Variants in ANO4 observed in about 807,000 individuals in gnomAD.
ANO4 encodes the protein anoctamin-4.
ANO4 carries 69 observed loss-of-function variants against 141.9 expected under a neutral mutation model. The ratio of observed to expected loss-of-function variants is 0.49; its 90% CI spans 0.40 to 0.59. ANO4 has a LOEUF of 0.59. ANO4 is among the 20% of genes least tolerant of loss of function. The pLI, the probability that ANO4 is intolerant of heterozygous loss-of-function variation, is 0.00. For missense variants in ANO4, 894 were observed against 1,162.2 expected (o/e 0.77, Z 3.36); for synonymous variants, 350 against 394.3 (o/e 0.89, Z 1.33).
intron 3 of ANO4, among the ~76,000 whole-genome samples, chr12:100,755,052 T>C (rs2032549675): frequency 6.6e-6 from 1 of 152,218 alleles, no homozygotes; most frequent in African/African-American, 2.4e-5. Context: ...GTGCATTTTA[T>C]CACAATAAAA....
chr12:100,887,981 T>C (rs1242563607), intron 1 of ANO4, among the ~76,000 whole-genome samples: 2 of 152,164 alleles, frequency 1.3e-5, no homozygotes, highest in Non-Finnish European at 2.9e-5. Context: ...AATATCTGCT[T>C]CCTAAGTATT....
chr12:101,101,790 G>A lies in ANO4; in HGVS notation c.2149+2070G>A, dbSNP rs552465919. On this transcript the variant is annotated intron_variant, in intron 22 of 27. Coordinates refer to ENST00000392977, the MANE Select transcript of ANO4 (RefSeq NM_001286615.2). Reference sequence around the variant, plus strand: ...ATCTTCTAGGCTCCTGAATAATAATGTACTGTTATTGACCAGGCGTGGTGG... The same window carrying A: ...ATCTTCTAGGCTCCTGAATAATAATATACTGTTATTGACCAGGCGTGGTGG... 1.3e-3 allele frequency among the ~76,000 whole-genome samples: 195 copies of A among 152,118 alleles called. 1 individual carries two copies. The highest frequency in any genetic ancestry group is 4.3e-3 in the African/African-American group (177 of 41,518).
chr12:101,065,258 A>G (rs969812068), intron 14 of ANO4, among the ~76,000 whole-genome samples: 12 of 152,090 alleles, frequency 7.9e-5, no homozygotes, highest in Non-Finnish European at 1.5e-4. Context: ...CAATATATAT[A>G]TAAGGTTCAG....
intron 1 of ANO4, among the ~76,000 whole-genome samples, chr12:100,871,963 G>A (rs578091635): frequency 2.6e-5 from 4 of 152,220 alleles, no homozygotes; most frequent in Non-Finnish European, 5.9e-5. Context: ...GGTGTATCAT[G>A]GCCACTGAAT....
At chr12:101,044,491 CTT>C (rs1005024067) in intron 13 of ANO4, among the ~76,000 whole-genome samples, 3 of 152,196 alleles carry the variant, frequency 2.0e-5, no homozygotes, top group African/African-American at 7.2e-5. Flanking sequence ...TTTGCGAAGA[CTT>C]TTCCAAGAGC....
intron 3 of ANO4, among the ~76,000 whole-genome samples, chr12:100,934,141 C>T (rs1414560892): frequency 1.3e-5 from 2 of 152,122 alleles, no homozygotes; most frequent in Non-Finnish European, 2.9e-5. Flanking sequence ...GTTGCCATTG[C>T]TTTTGGTGTT....
chr12:100,815,580 T>C (rs1200537667), intron 1 of ANO4, among the ~76,000 whole-genome samples: 1 of 152,152 alleles, frequency 6.6e-6, no homozygotes, highest in African/African-American at 2.4e-5. Context: ...GTGATAAATT[T>C]GTACAAGCCT....
intron 3 of ANO4, among the ~76,000 whole-genome samples, chr12:100,764,566 C>T (rs769561655): frequency 8.5e-5 from 13 of 152,194 alleles, no homozygotes; most frequent in Admixed American, 2.0e-4. Context: ...GCAAGCAATA[C>T]CATTAACACA....
In ANO4 at chr12:101,005,538, C is replaced by T. The variant is rs140072895; in HGVS notation, c.735-14496C>T. 4.6e-5 allele frequency among the ~76,000 whole-genome samples: 7 copies of T among 152,226 alleles called. No homozygotes were observed. In the East Asian group the frequency reaches 1.4e-3, roughly 29 times the overall value. On this transcript the variant is annotated intron_variant, in intron 8 of 27. Transcript: ENST00000392977. The stretch of plus-strand genomic sequence containing the variant: ...CAAGCTCTGGTTGGAAACACAGGGC[C>T]TGGGTGCCCAATCCCAGCTCTGTAA...
chr12:100,882,592 A>C (rs1490718646), intron 1 of ANO4, among the ~76,000 whole-genome samples: 1 of 152,062 alleles, frequency 6.6e-6, no homozygotes, highest in East Asian at 1.9e-4. Flanking sequence ...CATCCAGTTC[A>C]GTTTTGTGTC....
chr12:101,064,987 T>C (rs1315726585), intron 14 of ANO4, among the ~76,000 whole-genome samples: 1 of 152,212 alleles, frequency 6.6e-6, no homozygotes, highest in Non-Finnish European at 1.5e-5. Flanking sequence ...ATCACAGTAC[T>C]TGTATTCAAG....
intron 5 of ANO4, among the ~76,000 whole-genome samples, chr12:100,945,883 G>C (rs2042701057): frequency 2.6e-5 from 4 of 152,020 alleles, no homozygotes; most frequent in African/African-American, 9.7e-5. Context: ...ATTGCTTTAA[G>C]GACTAGGATC....
At chr12:101,029,295 A>G (rs148421138) in intron 9 of ANO4, among the ~76,000 whole-genome samples, 1,583 of 152,296 alleles carry the variant, frequency 0.01, 24 homozygotes, top group African/African-American at 0.036. Context: ...ATAACCAGAT[A>G]GCATCATGAT....
At chr12:101,123,409 C>T (rs2051175167) in intron 26 of ANO4, among the ~76,000 whole-genome samples, 1 of 152,110 alleles carries the variant, frequency 6.6e-6, no homozygotes, top group Non-Finnish European at 1.5e-5. Flanking sequence ...CACAGATCAA[C>T]CCGTCACCCA....
At chr12:101,067,686 A>G (rs1052647050) in intron 14 of ANO4, among the ~76,000 whole-genome samples, 2 of 152,172 alleles carry the variant, frequency 1.3e-5, no homozygotes, top group African/African-American at 2.4e-5. Context: ...CTGTCTCCCA[A>G]AAACAAAAAA....
intron 9 of ANO4, among the ~76,000 whole-genome samples, chr12:101,034,930 CTCATA>C (rs1321797420): frequency 6.6e-6 from 1 of 152,136 alleles, no homozygotes; most frequent in Non-Finnish European, 1.5e-5. Context: ...ACCTTGAACT[CTCATA>C]TGCTGCTGAT....
intron 7 of ANO4, among the ~76,000 whole-genome samples, chr12:100,980,185 T>C (rs1026591605): frequency 1.2e-4 from 19 of 152,136 alleles, no homozygotes; most frequent in African/African-American, 4.6e-4. Context: ...TGGGCCAAGC[T>C]AAAGGAAAAA....
chr12:101,007,331 G>C (rs61944898), intron 8 of ANO4, among the ~76,000 whole-genome samples: 34,784 of 152,090 alleles, frequency 0.23, 4,243 homozygotes, highest in Non-Finnish European at 0.28. Context: ...GCCTGGGGGA[G>C]AGAGTAAGAC....
chr12:100,911,931 T>C (rs746774518), intron 2 of ANO4, among the ~76,000 whole-genome samples: 5 of 152,206 alleles, frequency 3.3e-5, no homozygotes, highest in Admixed American at 6.5e-5. Context: ...TACTTGATAT[T>C]CTGTTGTTTC....
Sources: allele counts gnomAD v4.1 joint callset (sites outside exome capture counted in the v4.1 genomes callset), GRCh38; gene constraint gnomAD v4.1.1; transcripts MANE v1.5; gene names NCBI Gene and HGNC (gene_info 2026-07-23, HGNC 2026-07-21).